The following TDRD3 variants were observed in gnomAD, a reference collection of about 807,000 sequenced individuals.
TDRD3 encodes tudor domain containing 3, also known as tudor domain-containing protein 3.
Under a neutral mutation model 86.7 loss-of-function variants are expected in TDRD3, and 45 were observed. The observed-to-expected ratio is 0.52, with a 90% confidence interval of 0.41 to 0.67. The LOEUF (loss-of-function observed/expected upper bound fraction) is 0.67. TDRD3 is among the 30% of genes least tolerant of loss of function. The pLI is 0.00. For synonymous variants in TDRD3, 298 were observed against 301.7 expected (o/e 0.99, Z 0.13); for missense variants, 814 against 889.0 (o/e 0.92, Z 1.07).
rs765677857 is a variant in TDRD3 at position 60,528,847 on chromosome 13, C to T, written c.1622C>T (p.Ser541Phe). ...CGTGGAAAAAGAGAAAGCCAAACATCTATTCCTGATTATTTTTATGACAGG... is the reference window on the plus strand; with the variant it reads ...CGTGGAAAAAGAGAAAGCCAAACATTTATTCCTGATTATTTTTATGACAGG... Reference protein sequence around the residue: ...QKRGKRESQTSIPDYFYDRKS... With the variant: ...QKRGKRESQTFIPDYFYDRKS... The change falls in exon 11 of 14, where the codon TCT (serine) becomes TTT (phenylalanine). Residue 541 changes from serine to phenylalanine, a missense_variant. Physicochemically the swap from Ser to Phe is radical, Grantham distance 155. Coordinates refer to ENST00000377881, the MANE Select transcript of TDRD3 (RefSeq NM_001146070.2). The T allele has an allele frequency of 2.7e-5, 43 of 1,613,276 alleles. 1 individual carries two copies. The Admixed American group carries it at 5.0e-4, about 19-fold the overall frequency.
chr13:60,513,978 A>G (rs954581496), intron 10 of TDRD3, among the ~76,000 whole-genome samples: 2 of 152,224 alleles, frequency 1.3e-5, no homozygotes, highest in Non-Finnish European at 2.9e-5. Flanking sequence ...GGAACTGGGT[A>G]ACAGGCAGAG....
intron 1 of TDRD3, among the ~76,000 whole-genome samples, chr13:60,435,918 G>GTTTTTTTTTTTTTTTTTTT (rs767705603): frequency 0.046 from 5,437 of 117,868 alleles, 303 homozygotes; most frequent in Non-Finnish European, 0.074. Context: ...AACATCTATG[G>GTTTTTTTTTTTTTTTTTTT]TTTTTTTTTT....
chr13:60,565,760 T>A lies in TDRD3; in HGVS notation c.2119-1765T>A, dbSNP rs113626946. ...TAGTTTTCAGTTAATATGCAGAGTTTCAAATGTTGTCATTTGTCTTAAAAT... is the reference window on the plus strand; with the variant it reads ...TAGTTTTCAGTTAATATGCAGAGTTACAAATGTTGTCATTTGTCTTAAAAT... On this transcript the variant is annotated intron_variant, in intron 12 of 13. Transcript: ENST00000377881. Among the ~76,000 whole-genome samples, 44 of 152,308 alleles carry A rather than the reference T, an allele frequency of 2.9e-4. 1 individual carries two copies. The highest frequency in any genetic ancestry group is 1.1e-3 in the African/African-American group (44 of 41,578).
intron 1 of TDRD3, among the ~76,000 whole-genome samples, chr13:60,416,724 A>G (rs1162583877): frequency 6.6e-6 from 1 of 152,058 alleles, no homozygotes; most frequent in Non-Finnish European, 1.5e-5. Flanking sequence ...CAGTTGTGAG[A>G]TATCTTTCAA....
intron 1 of TDRD3, among the ~76,000 whole-genome samples, chr13:60,431,639 A>G (rs1021801232): frequency 2.0e-5 from 3 of 151,230 alleles, no homozygotes; most frequent in Non-Finnish European, 4.4e-5. Context: ...TTAAGTAATT[A>G]AAAATTTTTT....
At chr13:60,425,161 A>G (rs536852727) in intron 1 of TDRD3, among the ~76,000 whole-genome samples, 82 of 152,370 alleles carry the variant, frequency 5.4e-4, no homozygotes, top group African/African-American at 1.9e-3. Context: ...TCTTTGAAAC[A>G]GAATACATTA....
chr13:60,408,370 G>A (rs1374947459), intron 1 of TDRD3, among the ~76,000 whole-genome samples: 1 of 152,210 alleles, frequency 6.6e-6, no homozygotes, highest in Non-Finnish European at 1.5e-5. Flanking sequence ...AAATGTGGAA[G>A]CAGCTTTAGA....
At chr13:60,435,918 G>GTTTTTTTGTTTTTTTTTTTTTTTTTTT (rs1955079346) in intron 1 of TDRD3, among the ~76,000 whole-genome samples, 1 of 124,774 alleles carries the variant, frequency 8.0e-6, no homozygotes, top group Non-Finnish European at 1.8e-5. Context: ...AACATCTATG[G>GTTTTTTTGTTTTTTTTTTTTTTTTTTT]TTTTTTTTTT....
Position 60,546,620 on chromosome 13 carries a change from A to G in TDRD3, c.2118+11387A>G, listed in dbSNP as rs147752797. On this transcript the variant is annotated intron_variant, in intron 12 of 13. Transcript: ENST00000377881. ...CTATTCTAATGACTATACTTACATT[A>G]ATGAAATAGTCATTGAGAGAACATG... Among the ~76,000 whole-genome samples, 467 of 152,278 alleles carry G rather than the reference A, an allele frequency of 3.1e-3. 2 individuals carry two copies. Among genetic ancestry groups the G allele is most frequent in the African/African-American group, 0.011 (443 of 41,568 alleles).
At chr13:60,500,211 G>T (rs1286199344) in intron 8 of TDRD3, among the ~76,000 whole-genome samples, 1 of 152,166 alleles carries the variant, frequency 6.6e-6, no homozygotes, top group African/African-American at 2.4e-5. Context: ...AACCTGAACT[G>T]CCTATCATGA....
chr13:60,500,284 A>C (rs771310371), intron 8 of TDRD3, among the ~76,000 whole-genome samples: 14 of 152,170 alleles, frequency 9.2e-5, no homozygotes, highest in Non-Finnish European at 4.4e-5. Flanking sequence ...TTCCATTATC[A>C]AATGGAAGTT....
At chr13:60,494,719 T>C (rs987645004) in intron 8 of TDRD3, 144 bp downstream of exon 8, 2 of 664,492 alleles carry the variant, frequency 3.0e-6, no homozygotes, top group African/African-American at 1.8e-5. Flanking sequence ...AGGATTACAA[T>C]TAAATCATTA....
At chr13:60,528,260 A>G in intron 10 of TDRD3, 107 bp from the exon 11 acceptor site, 2 of 1,242,828 alleles carry the variant, frequency 1.6e-6, no homozygotes, top group African/African-American at 1.5e-5. Context: ...AGAAGATTTT[A>G]GAATAGTAGT....
At chr13:60,489,579 C>T (rs980260695) in intron 7 of TDRD3, among the ~76,000 whole-genome samples, 5 of 152,036 alleles carry the variant, frequency 3.3e-5, no homozygotes, top group South Asian at 2.1e-4. Context: ...CTGTGAAACT[C>T]GGAGATAATA....
chr13:60,438,345 C>A (rs1210237150), intron 1 of TDRD3, among the ~76,000 whole-genome samples: 2 of 152,104 alleles, frequency 1.3e-5, no homozygotes, highest in Non-Finnish European at 2.9e-5. Context: ...CACTTATATA[C>A]TGTCATTCCT....
At chr13:60,518,035 C>T (rs1278645603) in intron 10 of TDRD3, among the ~76,000 whole-genome samples, 1 of 152,194 alleles carries the variant, frequency 6.6e-6, no homozygotes, top group Non-Finnish European at 1.5e-5. Flanking sequence ...ATTGCAGTCT[C>T]TGGATTTACC....
intron 6 of TDRD3, 43 bp from the exon 7 acceptor site, chr13:60,485,756 T>G: frequency 6.8e-7 from 1 of 1,462,356 alleles, no homozygotes; most frequent in Non-Finnish European, 9.1e-7. Context: ...CTTGAATCTC[T>G]TTTGGAACTA....
At chr13:60,496,452 T>C (rs1289426096) in intron 8 of TDRD3, among the ~76,000 whole-genome samples, 1 of 151,036 alleles carries the variant, frequency 6.6e-6, no homozygotes, top group African/African-American at 2.4e-5. Context: ...AGATTTGGGA[T>C]TTTTGGAGTT....
chr13:60,422,286 C>G (rs1348965703), intron 1 of TDRD3, among the ~76,000 whole-genome samples: 1 of 152,082 alleles, frequency 6.6e-6, no homozygotes, highest in East Asian at 1.9e-4. Context: ...AATATGCCCC[C>G]TAATGAAACC....
Sources: allele counts gnomAD v4.1 joint callset (sites outside exome capture counted in the v4.1 genomes callset), GRCh38; gene constraint gnomAD v4.1.1; transcripts MANE v1.5; gene names NCBI Gene and HGNC (gene_info 2026-07-23, HGNC 2026-07-21).